The following GMEB1 variants were observed in gnomAD, a reference collection of about 807,000 sequenced individuals.
GMEB1 encodes glucocorticoid modulatory element binding protein 1, also known as glucocorticoid modulatory element-binding protein 1.
GMEB1 carries 6 observed loss-of-function variants against 52.4 expected under a neutral mutation model. That is an observed-to-expected ratio of 0.11 (90% CI 0.06 to 0.23). The LOEUF (loss-of-function observed/expected upper bound fraction) is 0.23, where lower values mean the gene tolerates loss of function less well. Among genes scored for constraint, GMEB1 ranks in the 10% least tolerant of loss-of-function variants. The probability of loss-of-function intolerance (pLI) is 1.00; values close to 1 mark genes in which losing one functional copy is unlikely to be tolerated. For synonymous variants in GMEB1, 255 were observed against 244.9 expected, an observed-to-expected ratio of 1.04 and a Z score of -0.38; for missense variants, 486 against 685.6, an observed-to-expected ratio of 0.71 and a Z score of 3.25.
At chr1:28,687,368 ACACACACACACACACAC>A (rs1669702881) in intron 2 of GMEB1, among the ~76,000 whole-genome samples, 2 of 71,332 alleles carry the variant, frequency 2.8e-5, no homozygotes, top group African/African-American at 1.0e-4. Flanking sequence ...ACACACACAC[ACACACACACACACACAC>A]ACAAAAAAAG....
intron 8 of GMEB1, among the ~76,000 whole-genome samples, chr1:28,709,924 G>T (rs1255955329): frequency 6.6e-6 from 1 of 152,042 alleles, no homozygotes; most frequent in Non-Finnish European, 1.5e-5. Flanking sequence ...TGAGGTGGGT[G>T]GATCAAAAGG....
chr1:28,696,157 TC>T (rs1012368209), intron 5 of GMEB1, among the ~76,000 whole-genome samples: 2 of 151,702 alleles, frequency 1.3e-5, no homozygotes, highest in African/African-American at 4.8e-5. Flanking sequence ...AACCTCAGCT[TC>T]CTGGCTCAAG....
chr1:28,704,773 A>C (rs1232138620), intron 8 of GMEB1, among the ~76,000 whole-genome samples: 1 of 151,926 alleles, frequency 6.6e-6, no homozygotes, highest in Non-Finnish European at 1.5e-5. Flanking sequence ...ACATCCGGCT[A>C]ATTTTTGTAT....
At chr1:28,695,180 T>G (rs1051126288) in intron 5 of GMEB1, among the ~76,000 whole-genome samples, 1 of 151,662 alleles carries the variant, frequency 6.6e-6, no homozygotes, top group African/African-American at 2.4e-5. Flanking sequence ...TTGGCCAGGC[T>G]GGTATTGAAC....
intron 7 of GMEB1, 46 bp from the exon 8 acceptor site, chr1:28,704,146 A>G (rs1021508936): frequency 6.5e-7 from 1 of 1,532,060 alleles, no homozygotes; most frequent in East Asian, 2.3e-5. Flanking sequence ...CTAAGTATCT[A>G]GGTAGTGTCT....
intron 5 of GMEB1, among the ~76,000 whole-genome samples, chr1:28,695,045 A>C (rs530733253): frequency 6.7e-6 from 1 of 148,878 alleles, no homozygotes; most frequent in Non-Finnish European, 1.5e-5. Flanking sequence ...GCTCACTGCA[A>C]TCTCCACCTC....
At chr1:28,710,161 A>C (rs576689440) in intron 8 of GMEB1, among the ~76,000 whole-genome samples, 4 of 152,114 alleles carry the variant, frequency 2.6e-5, no homozygotes, top group South Asian at 4.2e-4. Flanking sequence ...AAAAGGAAAA[A>C]AAAATTGTTT....
intron 1 of GMEB1, among the ~76,000 whole-genome samples, chr1:28,671,429 T>C (rs1397689392): frequency 6.6e-6 from 1 of 152,062 alleles, no homozygotes; most frequent in African/African-American, 2.4e-5. Flanking sequence ...TTTTGTTAGT[T>C]TTCTGGCGGG....
At chr1:28,683,303 G>A (rs978160670) in intron 1 of GMEB1, among the ~76,000 whole-genome samples, 1 of 151,512 alleles carries the variant, frequency 6.6e-6, no homozygotes, top group African/African-American at 2.4e-5. Flanking sequence ...TCGGCTCACC[G>A]CAACCTCCAC....
chr1:28,682,745 C>T (rs150617642), intron 1 of GMEB1, among the ~76,000 whole-genome samples: 70 of 151,920 alleles, frequency 4.6e-4, no homozygotes, highest in Non-Finnish European at 8.5e-4. Context: ...TCCACAGATA[C>T]TGAGTATTTT....
At position 28,714,289 on chromosome 1, in the gene GMEB1, T is replaced by C; in HGVS notation, c.1208T>C (p.Val403Ala). Residue 403 changes from valine to alanine, a missense_variant, in exon 10 of 10, where the codon GTG becomes GCG. Val to Ala is a moderately conservative substitution (Grantham distance 64). Transcript: ENST00000373816. ...TVISPITITP[V>A]GQSFSMGNIP... ...ATCTCACCCATCACCATCACCCCAG[T>C]GGGTCAGTCATTTTCCATGGGCAAT... 1 of 1,614,152 alleles carries C rather than the reference T, an allele frequency of 6.2e-7. No homozygotes were observed. The highest frequency in any genetic ancestry group is 8.5e-7 in the Non-Finnish European group (1 of 1,180,008).
At chr1:28,706,936 G>A (rs1670803710) in intron 8 of GMEB1, among the ~76,000 whole-genome samples, 1 of 149,928 alleles carries the variant, frequency 6.7e-6, no homozygotes, top group South Asian at 2.1e-4. Context: ...AAAAGTGCTG[G>A]GATTACAGGC....
At position 28,714,873 on chromosome 1, in the gene GMEB1, T is replaced by TTA; in HGVS notation, c.*100_*101insTA. Reference sequence around the variant, plus strand: ...CTCATTTCCACATAGGACCCTTTTTTAAAAAAAAAAAAACAAAATCTTATT... The same window carrying TTA: ...CTCATTTCCACATAGGACCCTTTTTTTAAAAAAAAAAAAAACAAAATCTTATT... On this transcript the variant is annotated 3_prime_UTR_variant, in exon 10 of 10. Transcript: ENST00000373816. 3.4e-6 allele frequency: 2 copies of TTA among 595,382 alleles called. No homozygotes were observed. The highest frequency in any genetic ancestry group is 2.7e-5 in the South Asian group (1 of 36,620). 36.9% of individuals were successfully genotyped at this position (595,382 alleles called of 1,614,324 possible).
At chr1:28,676,730 A>AAAT (rs1669167153) in intron 1 of GMEB1, among the ~76,000 whole-genome samples, 2 of 151,314 alleles carry the variant, frequency 1.3e-5, no homozygotes, top group Admixed American at 6.6e-5. Context: ...GTCTCAAAAA[A>AAAT]AAATAAATAA....
chr1:28,697,406 C>T (rs1670278103), intron 6 of GMEB1, among the ~76,000 whole-genome samples: 1 of 151,924 alleles, frequency 6.6e-6, no homozygotes. Context: ...CAGGGTTTCT[C>T]CATGTTGATC....
chr1:28,695,342 C>T (rs1243165548), intron 5 of GMEB1, among the ~76,000 whole-genome samples: 2 of 151,852 alleles, frequency 1.3e-5, no homozygotes, highest in Non-Finnish European at 2.9e-5. Flanking sequence ...AAGCAATTCT[C>T]CTGCCTCAGC....
rs1313869177 is a variant in GMEB1, at chr1:28,675,778, C to CCCCGAA, written c.-31+6941_-31+6946dup. ...TGATTTCACAATGCATACTCCAAAGCCCCGAACGATCAACTCACTCATCTT... is the reference window on the plus strand; with the variant it reads ...TGATTTCACAATGCATACTCCAAAGCCCCGAACCCGAACGATCAACTCACTCATCTT... On this transcript the variant is annotated intron_variant, in intron 1 of 9. Coordinates refer to ENST00000373816, the MANE Select transcript of GMEB1 (RefSeq NM_001319674.2). Among the ~76,000 whole-genome samples the CCCCGAA allele has an allele frequency of 7.2e-5, 11 of 152,168 alleles. No individual in the cohort carries two copies. The South Asian group carries it at 2.3e-3, about 32-fold the overall frequency.
At chr1:28,677,495 C>A (rs1289101182) in intron 1 of GMEB1, among the ~76,000 whole-genome samples, 2 of 152,090 alleles carry the variant, frequency 1.3e-5, no homozygotes, top group Non-Finnish European at 2.9e-5. Flanking sequence ...CCGTGCCTGG[C>A]CCATAATCTG....
rs372474882 is a variant in GMEB1 at position 28,670,864 on chromosome 1, T to G, written c.-31+2025T>G. On this transcript the variant is annotated intron_variant, in intron 1 of 9. Transcript: ENST00000373816. ...AATATCTTACTTAAATGATTTTTTTTGGGTTCCTATTTACTTCAGCAAATA... is the reference window on the plus strand; with the variant it reads ...AATATCTTACTTAAATGATTTTTTTGGGGTTCCTATTTACTTCAGCAAATA... Among the ~76,000 whole-genome samples the G allele has an allele frequency of 1.7e-3, 263 of 152,306 alleles. 3 individuals are homozygous for G. Among genetic ancestry groups the G allele is most frequent in the African/African-American group, 4.1e-3 (171 of 41,574 alleles).
Sources: allele counts gnomAD v4.1 joint callset (sites outside exome capture counted in the v4.1 genomes callset), GRCh38; gene constraint gnomAD v4.1.1; transcripts MANE v1.5; gene names NCBI Gene and HGNC (gene_info 2026-07-23, HGNC 2026-07-21).